The following HOOK3 variants were observed in gnomAD, a reference collection of about 807,000 sequenced individuals.
HOOK3 encodes the protein hook microtubule tethering protein 3.
A neutral mutation model predicts 116.3 loss-of-function variants in HOOK3; 24 were observed. The observed-to-expected ratio is 0.21, with a 90% CI of 0.15 to 0.29. The LOEUF (loss-of-function observed/expected upper bound fraction) is 0.29, where lower values mean the gene tolerates loss of function less well. Ranked by LOEUF, HOOK3 falls within the 10% of genes least tolerant of loss-of-function variation. The pLI is 1.00. For missense variants in HOOK3, 632 were observed against 830.2 expected, an observed-to-expected ratio of 0.76 and a Z score of 2.93; for synonymous variants, 275 against 283.0, an observed-to-expected ratio of 0.97 and a Z score of 0.28.
Position 42,943,428 on chromosome 8 carries a change from A to G in HOOK3, c.383A>G (p.Asn128Ser), listed in dbSNP as rs1290770580. The G allele has an allele frequency of 1.2e-5, 18 of 1,486,518 alleles. No individual in the cohort carries two copies. Among genetic ancestry groups the G allele is most frequent in the Non-Finnish European group, 1.5e-5 (17 of 1,113,606 alleles). 92.1% of individuals were successfully genotyped at this position (1,486,518 alleles called of 1,614,324 possible). The change falls in exon 5 of 22, where the codon AAC becomes AGC. Residue 128 changes from asparagine (N) to serine (S), a missense_variant. By Grantham distance (46) the Asn-to-Ser change is conservative (BLOSUM62 1). Transcript: ENST00000307602. ...CAGCTCATCTTAGGCTGTGCTGTGA[A>G]CTGTGAACAGAAGCAAGGTAATTTG... The part of the protein sequence containing the change: ...MLQLILGCAV[N>S]CEQKQEYIQA...
intron 7 of HOOK3, among the ~76,000 whole-genome samples, chr8:42,958,757 C>T (rs1200625010): frequency 6.6e-6 from 1 of 151,984 alleles, no homozygotes. Flanking sequence ...AATGCTATCC[C>T]TCCCCTTGCC....
chr8:42,985,771 A>G (rs1400558823), intron 14 of HOOK3, among the ~76,000 whole-genome samples: 1 of 152,182 alleles, frequency 6.6e-6, no homozygotes, highest in Non-Finnish European at 1.5e-5. Context: ...GTTGCCCATA[A>G]TAAAATACAT....
intron 2 of HOOK3, among the ~76,000 whole-genome samples, chr8:42,911,217 C>T (rs147445452): frequency 1.2e-3 from 186 of 152,196 alleles, no homozygotes; most frequent in African/African-American, 4.2e-3. Context: ...TTTGGGAGGC[C>T]GAGGCGGGTG....
intron 2 of HOOK3, among the ~76,000 whole-genome samples, chr8:42,920,926 A>G (rs1056011257): frequency 7.9e-5 from 12 of 152,204 alleles, no homozygotes; most frequent in African/African-American, 2.7e-4. Context: ...CATGGTGTAT[A>G]TGATAGTAGC....
At chr8:43,013,253 T>C (rs1809646641) in intron 20 of HOOK3, 76 bp from the exon 21 acceptor site, 6 of 1,405,696 alleles carry the variant, frequency 4.3e-6, no homozygotes, top group Non-Finnish European at 5.8e-6. Context: ...GTTTTAACAA[T>C]TAATTGTAAG....
chr8:42,958,614 T>G (rs1563301137), intron 7 of HOOK3, among the ~76,000 whole-genome samples: 1 of 149,996 alleles, frequency 6.7e-6, no homozygotes, highest in Non-Finnish European at 1.5e-5. Context: ...TTTTTTTTTT[T>G]TTTTTAAGTT....
intron 2 of HOOK3, among the ~76,000 whole-genome samples, chr8:42,924,204 A>T (rs1807718295): frequency 6.6e-6 from 1 of 152,116 alleles, no homozygotes; most frequent in Admixed American, 6.6e-5. Context: ...AAGCAGGACA[A>T]ACTTAGGTGT....
At chr8:42,986,365 A>G (rs1161769123) in intron 14 of HOOK3, among the ~76,000 whole-genome samples, 1 of 152,242 alleles carries the variant, frequency 6.6e-6, no homozygotes, top group Non-Finnish European at 1.5e-5. Flanking sequence ...AAATAAATGC[A>G]TTCATAGTTT....
intron 3 of HOOK3, among the ~76,000 whole-genome samples, chr8:42,926,934 G>A (rs1807777410): frequency 6.6e-6 from 1 of 152,110 alleles, no homozygotes; most frequent in African/African-American, 2.4e-5. Context: ...CCCCTAATTT[G>A]TTCTCCATCT....
intron 2 of HOOK3, among the ~76,000 whole-genome samples, chr8:42,920,582 G>T (rs1040567815): frequency 2.0e-5 from 3 of 152,208 alleles, no homozygotes; most frequent in African/African-American, 7.2e-5. Flanking sequence ...TCATGAACAA[G>T]AAGGTGATGA....
chr8:43,018,055 T>C (rs1191019592), intron 21 of HOOK3, among the ~76,000 whole-genome samples: 6 of 152,188 alleles, frequency 3.9e-5, no homozygotes, highest in African/African-American at 9.7e-5. Flanking sequence ...TGGAAAAAAA[T>C]CACTTTCTAC....
intron 13 of HOOK3, among the ~76,000 whole-genome samples, chr8:42,980,473 G>A (rs1408519850): frequency 6.6e-6 from 1 of 152,142 alleles, no homozygotes; most frequent in Non-Finnish European, 1.5e-5. Context: ...AGTTTTGAGA[G>A]GTGAGGCCTT....
intron 3 of HOOK3, among the ~76,000 whole-genome samples, chr8:42,929,234 T>C (rs1338151098): frequency 6.6e-6 from 1 of 152,198 alleles, no homozygotes; most frequent in East Asian, 1.9e-4. Flanking sequence ...CAAATTTTTG[T>C]AGATGTTTAA....
At chr8:42,953,096 G>A (rs1808371046) in intron 6 of HOOK3, among the ~76,000 whole-genome samples, 2 of 151,964 alleles carry the variant, frequency 1.3e-5, no homozygotes, top group Admixed American at 6.6e-5. Context: ...GCCACATGGG[G>A]GAGTCTGGGA....
chr8:42,928,345 G>C (rs1807809705), intron 3 of HOOK3, among the ~76,000 whole-genome samples: 1 of 151,864 alleles, frequency 6.6e-6, no homozygotes, highest in Non-Finnish European at 1.5e-5. Context: ...CAGCTACCTG[G>C]GAGGCTGAGG....
intron 3 of HOOK3, among the ~76,000 whole-genome samples, chr8:42,928,324 G>T (rs1372928720): frequency 6.6e-6 from 1 of 150,570 alleles, no homozygotes; most frequent in Admixed American, 6.6e-5. Context: ...GGTGCCGGGC[G>T]CCTGTAATTC....
At chr8:42,960,231 C>T (rs1271871804) in intron 8 of HOOK3, among the ~76,000 whole-genome samples, 1 of 152,214 alleles carries the variant, frequency 6.6e-6, no homozygotes, top group African/African-American at 2.4e-5. Context: ...ACAATTTTAT[C>T]ATGGCTCCTT....
intron 2 of HOOK3, among the ~76,000 whole-genome samples, chr8:42,909,157 G>A (rs1253702559): frequency 4.0e-5 from 6 of 151,714 alleles, no homozygotes; most frequent in Admixed American, 1.3e-4. Flanking sequence ...TGAAAGATAC[G>A]TGTTGGTGAA....
At chr8:42,920,752 CTGAT>C (rs923761621) in intron 2 of HOOK3, among the ~76,000 whole-genome samples, 1 of 152,180 alleles carries the variant, frequency 6.6e-6, no homozygotes, top group Non-Finnish European at 1.5e-5. Flanking sequence ...AGTTAACTGT[CTGAT>C]TGAGCTTGGG....
Sources: allele counts gnomAD v4.1 joint callset (sites outside exome capture counted in the v4.1 genomes callset), GRCh38; gene constraint gnomAD v4.1.1; transcripts MANE v1.5; gene names NCBI Gene and HGNC (gene_info 2026-07-23, HGNC 2026-07-21).